ADAMTS17: variants seen among roughly 807,000 people sequenced by gnomAD.
ADAMTS17 encodes ADAM metallopeptidase with thrombospondin type 1 motif 17.
Under a neutral mutation model 141.5 loss-of-function variants are expected in ADAMTS17, and 113 were observed. The observed-to-expected ratio is 0.80, with a 90% CI of 0.69 to 0.93. ADAMTS17 has a LOEUF of 0.93. Among genes scored for constraint, ADAMTS17 ranks in the 40% least tolerant of loss-of-function variants. ADAMTS17 has a pLI of 0.00. For missense variants in ADAMTS17, 1,659 were observed against 1,517.9 expected, an observed-to-expected ratio of 1.09 and a Z score of -1.54; for synonymous variants, 768 against 630.6, an observed-to-expected ratio of 1.22 and a Z score of -3.27.
chr15:100,179,182 C>A (rs953674243), intron 8 of ADAMTS17, among the ~76,000 whole-genome samples: 1 of 152,190 alleles, frequency 6.6e-6, no homozygotes, highest in Non-Finnish European at 1.5e-5. Context: ...TTCCTTCTAA[C>A]TAGTTTTTGT....
At chr15:100,269,818 A>C (rs1451910133) in intron 4 of ADAMTS17, among the ~76,000 whole-genome samples, 2 of 152,024 alleles carry the variant, frequency 1.3e-5, no homozygotes, top group East Asian at 3.9e-4. Context: ...ACTTTCCCCA[A>C]ACTCTGAGCT....
At chr15:100,121,082 T>G (rs1596486019) in intron 12 of ADAMTS17, among the ~76,000 whole-genome samples, 1 of 152,038 alleles carries the variant, frequency 6.6e-6, no homozygotes, top group East Asian at 1.9e-4. Context: ...AAATGAAAAA[T>G]CCACCAGTTC....
intron 18 of ADAMTS17, among the ~76,000 whole-genome samples, chr15:100,009,963 C>T (rs2061127104): frequency 6.6e-6 from 1 of 152,130 alleles, no homozygotes; most frequent in African/African-American, 2.4e-5. Context: ...TCCTATAATT[C>T]CCATGTGTCG....
chr15:100,130,681 G>A (rs1251582871), intron 12 of ADAMTS17, among the ~76,000 whole-genome samples: 2 of 152,122 alleles, frequency 1.3e-5, no homozygotes, highest in African/African-American at 4.8e-5. Flanking sequence ...TTAAACATAA[G>A]AGGCATTTGC....
At chr15:100,278,972 C>T (rs2044194718) in intron 4 of ADAMTS17, among the ~76,000 whole-genome samples, 1 of 152,160 alleles carries the variant, frequency 6.6e-6, no homozygotes. Flanking sequence ...AGAATCAGTC[C>T]TGGTCTCCTT....
intron 7 of ADAMTS17, among the ~76,000 whole-genome samples, chr15:100,200,166 A>G (rs183382086): frequency 4.7e-4 from 72 of 152,304 alleles, no homozygotes; most frequent in Admixed American, 1.2e-3. Context: ...ACCCTAACAC[A>G]GGAAACCTGA....
chr15:100,186,181 G>C (rs552384775), intron 8 of ADAMTS17, among the ~76,000 whole-genome samples: 2 of 152,286 alleles, frequency 1.3e-5, no homozygotes, highest in African/African-American at 4.8e-5. Flanking sequence ...CAGTGATACT[G>C]TCATTAAGCT....
chr15:100,140,508 T>TATATATATATATATATATATA (rs61080608), intron 10 of ADAMTS17, among the ~76,000 whole-genome samples: 3 of 139,624 alleles, frequency 2.1e-5, no homozygotes, highest in African/African-American at 2.6e-5. Flanking sequence ...TATATATATA[T>TATATATATATATATATATATA]CCAGTAAAGA....
At position 100,156,417 on chromosome 15, in the gene ADAMTS17, C is replaced by G. The variant is rs2039437858; in HGVS notation, c.1182-1097G>C. ...GGCCAACTCCCACGTGGAGTTGGAT[C>G]AGCTAAAGTCACCCATGTCCTTTGG... On this transcript the variant is annotated intron_variant, in intron 8 of 21. Coordinates refer to ENST00000268070, the MANE Select transcript of ADAMTS17 (RefSeq NM_139057.4). Among the ~76,000 whole-genome samples the G allele has an allele frequency of 1.3e-5, 2 of 152,192 alleles. 1 individual carries two copies. Among genetic ancestry groups the G allele is most frequent in the South Asian group, 4.1e-4 (2 of 4,826 alleles).
intron 18 of ADAMTS17, among the ~76,000 whole-genome samples, chr15:100,037,182 G>GAT (rs2030807871): frequency 6.6e-6 from 1 of 152,156 alleles, no homozygotes; most frequent in African/African-American, 2.4e-5. Flanking sequence ...CCCAGAGTAT[G>GAT]AAAGTCCTGA....
At chr15:100,095,556 G>A (rs760809910) in intron 15 of ADAMTS17, among the ~76,000 whole-genome samples, 1 of 152,164 alleles carries the variant, frequency 6.6e-6, no homozygotes, top group Non-Finnish European at 1.5e-5. Flanking sequence ...AAGTTTCTCA[G>A]CTTCTTCCTC....
At chr15:100,029,161 G>C (rs764117017) in intron 18 of ADAMTS17, among the ~76,000 whole-genome samples, 1 of 152,132 alleles carries the variant, frequency 6.6e-6, no homozygotes, top group Non-Finnish European at 1.5e-5. Context: ...GTCTTGTTGG[G>C]TCAGTTGTGA....
intron 15 of ADAMTS17, among the ~76,000 whole-genome samples, chr15:100,064,838 G>A (rs567618404): frequency 4.3e-4 from 66 of 152,292 alleles, no homozygotes; most frequent in African/African-American, 1.6e-3. Context: ...AACGTAGGCT[G>A]GTAATAATTT....
intron 18 of ADAMTS17, among the ~76,000 whole-genome samples, chr15:100,025,892 T>G (rs542979725): frequency 4.9e-4 from 75 of 152,224 alleles, no homozygotes; most frequent in South Asian, 1.0e-3. Context: ...TATAGGTTTT[T>G]GTTTTTGTTT....
chr15:100,056,909 G>A (rs574870581), intron 15 of ADAMTS17, among the ~76,000 whole-genome samples: 3 of 152,080 alleles, frequency 2.0e-5, no homozygotes, highest in African/African-American at 4.8e-5. Flanking sequence ...CAAGCTTTAT[G>A]GTAAGGTGCC....
At chr15:100,285,612 T>C (rs1346691316) in intron 3 of ADAMTS17, among the ~76,000 whole-genome samples, 1 of 152,178 alleles carries the variant, frequency 6.6e-6, no homozygotes, top group African/African-American at 2.4e-5. Flanking sequence ...AAGGAAGACC[T>C]GGGGAAGAGT....
chr15:100,274,833 AC>A (rs144104714), intron 4 of ADAMTS17, among the ~76,000 whole-genome samples: 10,736 of 149,558 alleles, frequency 0.072, 400 homozygotes, highest in Non-Finnish European at 0.088. Context: ...TGGTAGTGAA[AC>A]TTTTAATTCC....
intron 3 of ADAMTS17, among the ~76,000 whole-genome samples, chr15:100,307,898 T>C (rs1054588131): frequency 1.3e-5 from 2 of 152,022 alleles, no homozygotes; most frequent in African/African-American, 2.4e-5. Context: ...GCAGAAAGAG[T>C]CCAATCATCA....
At chr15:100,283,083 A>C (rs1311345706) in intron 3 of ADAMTS17, among the ~76,000 whole-genome samples, 2 of 152,340 alleles carry the variant, frequency 1.3e-5, no homozygotes, top group South Asian at 2.1e-4. Context: ...TTTGAGAAAA[A>C]CACAGGCATC....
Sources: gnomAD v4.1 joint callset for allele counts (sites outside exome capture counted in the v4.1 genomes callset) on GRCh38, gnomAD v4.1.1 for gene constraint, MANE v1.5 for transcripts, NCBI Gene and HGNC (gene_info 2026-07-23, HGNC 2026-07-21) for gene names.